The following KCNAB2 variants were observed in gnomAD, a reference collection of about 807,000 sequenced individuals.
KCNAB2 encodes the protein voltage-gated potassium channel subunit beta-2.
Under a neutral mutation model 63.6 loss-of-function variants are expected in KCNAB2, and 29 were observed. The ratio of observed to expected loss-of-function variants is 0.46; its 90% confidence interval spans 0.34 to 0.62. The LOEUF (loss-of-function observed/expected upper bound fraction) is 0.62, where lower values mean the gene tolerates loss of function less well. Ranked by LOEUF, KCNAB2 falls within the 20% of genes least tolerant of loss-of-function variation. KCNAB2 has a pLI of 0.01. For synonymous variants in KCNAB2, 222 were observed against 224.2 expected, an observed-to-expected ratio of 0.99 and a Z score of 0.09; for missense variants, 359 against 563.9, an observed-to-expected ratio of 0.64 and a Z score of 3.68.
chr1:6,007,987 G>A (rs1657926280), intron 1 of KCNAB2, among the ~76,000 whole-genome samples: 1 of 152,200 alleles, frequency 6.6e-6, no homozygotes, highest in African/African-American at 2.4e-5. Flanking sequence ...AAAGTGGCCT[G>A]CAGATGCTGC....
At chr1:6,021,240 C>T (rs1658799871) in intron 1 of KCNAB2, among the ~76,000 whole-genome samples, 1 of 152,162 alleles carries the variant, frequency 6.6e-6, no homozygotes, top group Non-Finnish European at 1.5e-5. Flanking sequence ...TCAAGCGATC[C>T]ACCCACCACG....
chr1:6,056,176 C>G (rs1661805857), intron 2 of KCNAB2, among the ~76,000 whole-genome samples: 1 of 152,190 alleles, frequency 6.6e-6, no homozygotes, highest in Non-Finnish European at 1.5e-5. Context: ...TCCCGAGTAG[C>G]TGGGACTACA....
At chr1:6,021,923 TATTGAGGGTAAAGTGCAGTAGC>T (rs1658852401) in intron 1 of KCNAB2, among the ~76,000 whole-genome samples, 2 of 151,510 alleles carry the variant, frequency 1.3e-5, no homozygotes, top group Admixed American at 6.6e-5. Context: ...AGTGCAGTGG[TATTGAGGGTAAAGTGCAGTAGC>T]ATTGAGGGTA....
At chr1:6,083,077 GGGGGCTGC>G (rs1475604455) in intron 5 of KCNAB2, among the ~76,000 whole-genome samples, 1 of 152,118 alleles carries the variant, frequency 6.6e-6, no homozygotes, top group Non-Finnish European at 1.5e-5. Flanking sequence ...GCACAGCCCT[GGGGGCTGC>G]CGCTGGGACC....
intron 5 of KCNAB2, among the ~76,000 whole-genome samples, chr1:6,083,578 G>A (rs987266273): frequency 6.6e-6 from 1 of 152,220 alleles, no homozygotes; most frequent in African/African-American, 2.4e-5. Context: ...CGCCGTTTCT[G>A]TGGAATCCCC....
chr1:6,014,257 AC>A (rs1658358609), intron 1 of KCNAB2, among the ~76,000 whole-genome samples: 2 of 151,888 alleles, frequency 1.3e-5, no homozygotes, highest in South Asian at 2.1e-4. Context: ...ATGTCCCTGG[AC>A]CCCCGCCATC....
intron 1 of KCNAB2, among the ~76,000 whole-genome samples, chr1:6,029,010 G>T (rs183994739): frequency 6.6e-6 from 1 of 152,314 alleles, no homozygotes; most frequent in Admixed American, 6.5e-5. Context: ...GGTGTGGCTG[G>T]TCACGTCTAT....
upstream of KCNAB2, among the ~76,000 whole-genome samples, chr1:6,044,732 G>A (rs577391726): frequency 3.3e-5 from 5 of 152,284 alleles, no homozygotes; most frequent in Middle Eastern, 0.01. Flanking sequence ...ACAGGGAAGA[G>A]AGAGGCTAAT....
chr1:6,051,643 G>A lies in KCNAB2; in HGVS notation c.107G>A (p.Arg36Gln), dbSNP rs140304262. The change falls in exon 2 of 16, where the codon CGG becomes CAG. Residue 36 changes from arginine (R) to glutamine (Q), a missense_variant. Transcript: ENST00000378083. ...VRQTDTLELQ[R>Q]LREVRAAAQA... Reference sequence around the variant, plus strand: ...CAGACGGACACGCTGGAACTGCAGCGGCTGCGGGAGGTGCGGGCGGCTGCC... The same window carrying A: ...CAGACGGACACGCTGGAACTGCAGCAGCTGCGGGAGGTGCGGGCGGCTGCC... 39 of 1,534,324 alleles carry A rather than the reference G, an allele frequency of 2.5e-5. No homozygotes were observed. Among genetic ancestry groups the A allele is most frequent in the South Asian group, 3.6e-5 (3 of 83,966 alleles).
intron 2 of KCNAB2, among the ~76,000 whole-genome samples, chr1:6,053,762 A>G (rs1279087353): frequency 1.3e-5 from 2 of 152,190 alleles, no homozygotes; most frequent in African/African-American, 4.8e-5. Context: ...AGACCCCCCA[A>G]AATTCACATT....
chr1:6,045,049 C>T (rs3789559), upstream of KCNAB2, among the ~76,000 whole-genome samples: 10,925 of 152,168 alleles, frequency 0.072, 953 homozygotes, highest in East Asian at 0.33. The surrounding 1 kb of genome is among the most constrained non-coding windows in gnomAD (Gnocchi z 4.8). Flanking sequence ...TGGGGACAAA[C>T]CATTTCAATT....
chr1:6,059,985 T>C (rs1662169308), intron 2 of KCNAB2, among the ~76,000 whole-genome samples: 1 of 152,180 alleles, frequency 6.6e-6, no homozygotes, highest in African/African-American at 2.4e-5. Context: ...TGGGCAAGGC[T>C]CACATGTCCT....
chr1:6,056,770 G>A (rs192546738), intron 2 of KCNAB2, among the ~76,000 whole-genome samples: 256 of 152,278 alleles, frequency 1.7e-3, no homozygotes, highest in Non-Finnish European at 2.8e-3. Flanking sequence ...CAGGGTCATC[G>A]CACTTTCTGT....
chr1:6,040,386 G>A (rs888596751), intron 1 of KCNAB2: 17 of 631,410 alleles, frequency 2.7e-5, no homozygotes, highest in Middle Eastern at 2.6e-4. Context: ...TCTCTCTGCT[G>A]AGGGGCTCCC....
upstream of KCNAB2, among the ~76,000 whole-genome samples, chr1:6,030,557 ATGTCTATG>A (rs1055609139): frequency 1.3e-5 from 2 of 149,406 alleles, no homozygotes; most frequent in Non-Finnish European, 3.0e-5. Flanking sequence ...GTATGTGTGT[ATGTCTATG>A]TGTGTATGTG....
At chr1:6,030,848 ATG>A (rs1303951548), upstream of KCNAB2, among the ~76,000 whole-genome samples, 8 of 148,488 alleles carry the variant, frequency 5.4e-5, no homozygotes, top group Non-Finnish European at 1.0e-4. Flanking sequence ...GTGTGTAGGT[ATG>A]TGTGTGTATG....
rs563146838 is a variant in KCNAB2 at position 6,099,396 on chromosome 1, C to T, written c.*822C>T. Reference sequence around the variant, plus strand: ...AGCCTCATGCCAGTGAGGCCCGGAGCGCTTGGGAGGGGTCCCAGTGGGGCA... The same window carrying T: ...AGCCTCATGCCAGTGAGGCCCGGAGTGCTTGGGAGGGGTCCCAGTGGGGCA... On this transcript the variant is annotated 3_prime_UTR_variant, in exon 16 of 16. Coordinates refer to ENST00000378083, the MANE Select transcript of KCNAB2 (RefSeq NM_001199862.2). The T allele has an allele frequency of 7.4e-5, 13 of 176,522 alleles. No individual in the cohort carries two copies. The highest frequency in any genetic ancestry group is 3.1e-4 in the African/African-American group (13 of 42,474). The allele number at this position is 176,522 out of a possible 1,614,324, so 10.9% of individuals were successfully genotyped here. A position where few individuals can be genotyped will look rare whatever the true frequency, so the allele number is the denominator to read the frequency against.
chr1:6,009,425 G>T (rs542976113), intron 1 of KCNAB2, among the ~76,000 whole-genome samples: 2 of 152,316 alleles, frequency 1.3e-5, no homozygotes, highest in East Asian at 3.9e-4. Flanking sequence ...GTGCATATGT[G>T]TATGCACACA....
intron 2 of KCNAB2, among the ~76,000 whole-genome samples, chr1:6,059,862 C>T (rs932381059): frequency 3.9e-5 from 6 of 152,084 alleles, no homozygotes; most frequent in African/African-American, 1.4e-4. Context: ...AGCCGGTTCC[C>T]GGGAAGCACA....
Sources: allele counts gnomAD v4.1 joint callset (sites outside exome capture counted in the v4.1 genomes callset), GRCh38; gene constraint gnomAD v4.1.1; non-coding constraint Gnocchi (gnomAD v3.1); transcripts MANE v1.5; gene names NCBI Gene and HGNC (gene_info 2026-07-23, HGNC 2026-07-21).